FUT8: variants seen among roughly 807,000 people sequenced by gnomAD.
FUT8 encodes the protein fucosyltransferase 8, also known as alpha-(1,6)-fucosyltransferase.
In FUT8, 29 loss-of-function variants were observed where a neutral mutation model predicts 71.3. The observed-to-expected ratio is 0.41, with a 90% CI of 0.30 to 0.55. FUT8 has a LOEUF of 0.55. Ranked by LOEUF, FUT8 falls within the 20% of genes least tolerant of loss-of-function variation. The probability of loss-of-function intolerance (pLI) is 0.34; values close to 1 mark genes in which losing one functional copy is unlikely to be tolerated. For missense variants in FUT8, 544 were observed against 702.1 expected, an observed-to-expected ratio of 0.77 and a Z score of 2.55; for synonymous variants, 254 against 239.3, an observed-to-expected ratio of 1.06 and a Z score of -0.57.
rs1193362501 is a variant in FUT8, at chr14:65,431,082, T to C, written c.-326+17868T>C. On this transcript the variant is annotated intron_variant, in intron 1 of 10. Transcript: ENST00000673929. Reference sequence around the variant, plus strand: ...GCGATCTCGGCTCACTGCAACCTCCTGCTCCCGGGTTCAAATGATTCTCCT... The same window carrying C: ...GCGATCTCGGCTCACTGCAACCTCCCGCTCCCGGGTTCAAATGATTCTCCT... 4.0e-5 allele frequency among the ~76,000 whole-genome samples: 6 copies of C among 148,884 alleles called. No homozygotes were observed. In the Admixed American group the frequency reaches 4.1e-4, roughly 10 times the overall value.
At chr14:65,650,324 A>AAG (rs1891327148) in intron 6 of FUT8, among the ~76,000 whole-genome samples, 5 of 147,474 alleles carry the variant, frequency 3.4e-5, no homozygotes, top group African/African-American at 1.2e-4. Flanking sequence ...AAAAAAAAAA[A>AAG]AAACCTGAGA....
Position 65,598,283 on chromosome 14 carries a change from C to T in FUT8, c.204-17695C>T, listed in dbSNP as rs149260494. 3.2e-3 allele frequency among the ~76,000 whole-genome samples: 493 copies of T among 151,992 alleles called. 2 individuals carry two copies. Among genetic ancestry groups the T allele is most frequent in the African/African-American group, 0.01 (417 of 41,458 alleles). On this transcript the variant is annotated intron_variant, in intron 3 of 10. Coordinates refer to ENST00000673929, the MANE Select transcript of FUT8 (RefSeq NM_001371533.1). The stretch of plus-strand genomic sequence containing the variant: ...TGTTGCCCGGGCTGGAGTGTAGTGG[C>T]GTGATCTCAGCTCACTGCAACCTCT...
chr14:65,732,260 T>C (rs1277674208), intron 9 of FUT8, among the ~76,000 whole-genome samples: 2 of 152,156 alleles, frequency 1.3e-5, no homozygotes, highest in African/African-American at 4.8e-5. Flanking sequence ...TTGGTGGCCA[T>C]GAAATGAAGA....
chr14:65,554,218 T>C (rs145306669), intron 2 of FUT8, among the ~76,000 whole-genome samples: 69 of 152,092 alleles, frequency 4.5e-4, no homozygotes, highest in African/African-American at 1.6e-3. Context: ...TTTTCTGATA[T>C]AGTCCATTTA....
chr14:65,496,798 A>G (rs1036544110), intron 2 of FUT8, among the ~76,000 whole-genome samples: 4 of 152,114 alleles, frequency 2.6e-5, no homozygotes, highest in African/African-American at 7.2e-5. Flanking sequence ...AAATTCTTCT[A>G]TGGGGTATGG....
intron 3 of FUT8, among the ~76,000 whole-genome samples, chr14:65,579,851 C>T (rs1349533704): frequency 6.6e-6 from 1 of 151,998 alleles, no homozygotes; most frequent in African/African-American, 2.4e-5. Context: ...TGTCACCTTT[C>T]TACAAGAATA....
chr14:65,606,336 C>G (rs1032586296), intron 3 of FUT8, among the ~76,000 whole-genome samples: 1 of 151,510 alleles, frequency 6.6e-6, no homozygotes, highest in Non-Finnish European at 1.5e-5. Flanking sequence ...CTCAGCCTCC[C>G]GAAGTGCTGG....
chr14:65,502,315 C>A (rs1423843619), intron 2 of FUT8, among the ~76,000 whole-genome samples: 1 of 151,944 alleles, frequency 6.6e-6, no homozygotes, highest in Non-Finnish European at 1.5e-5. Context: ...ATCTCCACCC[C>A]CCAGGTTCAA....
Position 65,669,156 on chromosome 14 carries a change from CT to C in FUT8, c.598-86del. 1 of 980,602 alleles carries C rather than the reference CT, an allele frequency of 1.0e-6. No individual in the cohort carries two copies. Among genetic ancestry groups the C allele is most frequent in the Non-Finnish European group, 1.5e-6 (1 of 657,858 alleles). The allele number at this position is 980,602 out of a possible 1,614,324, so 60.7% of individuals were successfully genotyped here. On this transcript the variant is annotated intron_variant, in intron 6 of 10. Transcript: ENST00000673929. The surrounding 1 kb of genome is among the most constrained non-coding windows in gnomAD (Gnocchi z 4.5). ...ATAGAACAAACCTGCATGTGTACCC[CT>C]GAAGATGAAAGATTAAAAAAAAAAA...
intron 2 of FUT8, among the ~76,000 whole-genome samples, chr14:65,543,071 C>T (rs74611500): frequency 0.12 from 18,560 of 152,160 alleles, 1,458 homozygotes; most frequent in East Asian, 0.34. Flanking sequence ...CGTGAGCCAC[C>T]GCGCCTGGCC....
chr14:65,687,307 G>T (rs947437427), intron 7 of FUT8, among the ~76,000 whole-genome samples: 5 of 152,044 alleles, frequency 3.3e-5, no homozygotes, highest in Non-Finnish European at 5.9e-5. Flanking sequence ...ACATGGTGAG[G>T]TATCATTATT....
rs1282122051 is a variant in FUT8 at position 65,743,494 on chromosome 14, C to T, written c.*1084C>T. On this transcript the variant is annotated 3_prime_UTR_variant, in exon 11 of 11. Transcript: ENST00000673929. ...ATTTCAGGTTTGTTTGGTAGTCTTT[C>T]TTAATGTATTTATTATCGCTTTTTG... 6.6e-6 allele frequency: 1 copy of T among 151,850 alleles called. No individual in the cohort carries two copies. The highest frequency in any genetic ancestry group is 1.5e-5 in the Non-Finnish European group (1 of 67,884). The allele number at this position is 151,850 out of a possible 1,614,324, so 9.4% of individuals were successfully genotyped here.
chr14:65,417,673 A>G (rs2065238144), intron 1 of FUT8, among the ~76,000 whole-genome samples: 1 of 152,128 alleles, frequency 6.6e-6, no homozygotes, highest in Non-Finnish European at 1.5e-5. Context: ...TGACAATGTG[A>G]AGGAGAAATA....
chr14:65,407,085 C>T (rs2065091283), upstream of FUT8, among the ~76,000 whole-genome samples: 3 of 152,140 alleles, frequency 2.0e-5, no homozygotes, highest in South Asian at 6.2e-4. Flanking sequence ...GTTAGGTGAC[C>T]TTCAAACTGG....
chr14:65,482,485 A>G (rs542137857), intron 2 of FUT8, among the ~76,000 whole-genome samples: 1 of 152,352 alleles, frequency 6.6e-6, no homozygotes, highest in South Asian at 2.1e-4. Flanking sequence ...ACAGTAGCTC[A>G]GGATAGACAT....
intron 1 of FUT8, among the ~76,000 whole-genome samples, chr14:65,431,686 T>A (rs892619475): frequency 2.0e-5 from 3 of 150,324 alleles, no homozygotes; most frequent in African/African-American, 7.4e-5. Flanking sequence ...TAATGTAAGA[T>A]CAAGACTATC....
At chr14:65,358,031 C>A in the FUT8 span, among the ~76,000 whole-genome samples, 1 of 151,836 alleles carries the variant, frequency 6.6e-6, no homozygotes, top group Non-Finnish European at 1.5e-5. Context: ...TTACCAGAGG[C>A]TGGGGAGGGT....
At chr14:65,611,249 A>T (rs1288412780) in intron 3 of FUT8, among the ~76,000 whole-genome samples, 1 of 47,936 alleles carries the variant, frequency 2.1e-5, no homozygotes, top group Admixed American at 2.1e-4. Context: ...ACACACACAC[A>T]CACACACACA....
intron 3 of FUT8, among the ~76,000 whole-genome samples, chr14:65,566,666 T>G (rs1196202516): frequency 6.6e-6 from 1 of 151,972 alleles, no homozygotes; most frequent in East Asian, 1.9e-4. Context: ...GTAATGCAAC[T>G]TACACTGAAA....
Sources: allele counts gnomAD v4.1 joint callset (sites outside exome capture counted in the v4.1 genomes callset), GRCh38; gene constraint gnomAD v4.1.1; non-coding constraint Gnocchi (gnomAD v3.1); transcripts MANE v1.5; gene names NCBI Gene and HGNC (gene_info 2026-07-23, HGNC 2026-07-21).